SYCP1: variants seen among roughly 807,000 people sequenced by gnomAD.
SYCP1 encodes the protein cancer/testis antigen 8.
SYCP1 carries 64 observed loss-of-function variants against 153.1 expected under a neutral mutation model. That is an observed-to-expected ratio of 0.42 (90% CI 0.34 to 0.51). The LOEUF (loss-of-function observed/expected upper bound fraction) is 0.51. SYCP1 is among the 20% of genes least tolerant of loss of function. The pLI is 0.06. For synonymous variants in SYCP1, 384 were observed against 341.8 expected (o/e 1.12, Z -1.36); for missense variants, 997 against 1,049.0 (o/e 0.95, Z 0.68).
intron 27 of SYCP1, among the ~76,000 whole-genome samples, chr1:114,963,808 A>G (rs1300051892): frequency 6.6e-6 from 1 of 152,118 alleles, no homozygotes; most frequent in East Asian, 1.9e-4. Context: ...AGTCTTTGCT[A>G]TTGTGAATAA....
intron 12 of SYCP1, 56 bp downstream of exon 12, chr1:114,878,258 C>A: frequency 1.8e-6 from 2 of 1,116,746 alleles, no homozygotes; most frequent in Non-Finnish European, 2.6e-6. Context: ...TTGTTATGTT[C>A]TAAACATTGA....
chr1:114,875,981 A>G, intron 9 of SYCP1, 88 bp from the exon 10 acceptor site: 1 of 791,382 alleles, frequency 1.3e-6, no homozygotes, highest in Non-Finnish European at 1.9e-6. Flanking sequence ...TTTAATGATC[A>G]CATGATACAA....
intron 16 of SYCP1, among the ~76,000 whole-genome samples, chr1:114,898,083 C>T (rs7549271): frequency 0.061 from 9,257 of 152,298 alleles, 320 homozygotes; most frequent in Middle Eastern, 0.14. Context: ...CCACACTCAC[C>T]TGCACTGTGC....
chr1:114,992,499 T>C (rs148063724), intron 30 of SYCP1, among the ~76,000 whole-genome samples: 107 of 151,658 alleles, frequency 7.1e-4, no homozygotes, highest in African/African-American at 2.5e-3. Context: ...CTCACATACA[T>C]AGTCAGTTGA....
chr1:114,958,148 G>A (rs1671552906), intron 27 of SYCP1, among the ~76,000 whole-genome samples: 1 of 152,188 alleles, frequency 6.6e-6, no homozygotes, highest in African/African-American at 2.4e-5. Flanking sequence ...CTACATGGAT[G>A]GAGCTGGAGG....
chr1:114,858,377 AT>A lies in SYCP1; in HGVS notation c.292-168del, dbSNP rs34581433. ...CAATAACTTTAATGAAGTAGTTAAT[AT>A]TGCCTTAGTAGTTTAAAAGAGTTAA... On this transcript the variant is annotated intron_variant, in intron 5 of 31. Coordinates refer to ENST00000369522, the MANE Select transcript of SYCP1 (RefSeq NM_003176.4). 7.3e-3 allele frequency among the ~76,000 whole-genome samples: 1,108 copies of A among 152,276 alleles called. 8 individuals are homozygous for A. The highest frequency in any genetic ancestry group is 0.012 in the Non-Finnish European group (849 of 67,966).
At chr1:114,860,128 A>G (rs115423783) in intron 7 of SYCP1, among the ~76,000 whole-genome samples, 1,955 of 152,258 alleles carry the variant, frequency 0.013, 20 homozygotes, top group Middle Eastern at 0.068. Context: ...TGTCTTGAGT[A>G]CAGTACTTAT....
chr1:114,912,388 A>G (rs1668238353), intron 18 of SYCP1, among the ~76,000 whole-genome samples: 1 of 151,968 alleles, frequency 6.6e-6, no homozygotes, highest in South Asian at 2.1e-4. Flanking sequence ...ATTAAGTAGA[A>G]ATAGATAATA....
chr1:114,916,131 T>C (rs1668493143), intron 20 of SYCP1, among the ~76,000 whole-genome samples: 1 of 152,186 alleles, frequency 6.6e-6, no homozygotes, highest in Non-Finnish European at 1.5e-5. Context: ...ACATATATAA[T>C]TTTGTATGTG....
At chr1:114,861,277 T>C (rs1449674423) in intron 8 of SYCP1, among the ~76,000 whole-genome samples, 2 of 152,288 alleles carry the variant, frequency 1.3e-5, no homozygotes, top group East Asian at 3.9e-4. Flanking sequence ...TATGGTTGTG[T>C]TGTGTATGTG....
intron 23 of SYCP1, among the ~76,000 whole-genome samples, chr1:114,938,077 G>A (rs1196129998): frequency 1.3e-5 from 2 of 152,074 alleles, no homozygotes; most frequent in African/African-American, 4.8e-5. Context: ...AAATCATGCT[G>A]CTATAAAGGC....
chr1:114,979,432 T>C (rs1006599172), intron 28 of SYCP1, among the ~76,000 whole-genome samples: 7 of 151,764 alleles, frequency 4.6e-5, no homozygotes, highest in Non-Finnish European at 1.0e-4. Context: ...TTCAGTATTG[T>C]CACATGAGAA....
rs1328180498 is a variant in SYCP1, at chr1:114,882,539, G to T, written c.911-2996G>T. 5.3e-5 allele frequency among the ~76,000 whole-genome samples: 8 copies of T among 151,766 alleles called. No homozygotes were observed. In the East Asian group the frequency reaches 1.5e-3, roughly 29 times the overall value. On this transcript the variant is annotated intron_variant, in intron 12 of 31. Transcript: ENST00000369522. ...CTTTTCTTTAAATATACAAACCATA[G>T]CTGTTTTATAGTCCTTTTCTGATTT... is the stretch of plus-strand genomic sequence containing the variant.
intron 27 of SYCP1, among the ~76,000 whole-genome samples, chr1:114,964,589 C>T (rs1301281518): frequency 6.6e-6 from 1 of 152,106 alleles, no homozygotes; most frequent in Non-Finnish European, 1.5e-5. Flanking sequence ...CAGTTTTCTG[C>T]ATATGGCTAG....
chr1:114,926,605 TAG>T (rs1557806425), intron 23 of SYCP1, 42 bp downstream of exon 23: 2 of 1,466,928 alleles, frequency 1.4e-6, no homozygotes, highest in Admixed American at 4.0e-5. Flanking sequence ...TACTAATAGA[TAG>T]ATGAGAATTT....
chr1:114,936,124 C>T (rs898550212), intron 23 of SYCP1, among the ~76,000 whole-genome samples: 4 of 152,104 alleles, frequency 2.6e-5, no homozygotes, highest in Admixed American at 2.6e-4. Flanking sequence ...GACCAATATC[C>T]CTGATGAACA....
chr1:114,992,052 A>G (rs927096336), intron 30 of SYCP1, among the ~76,000 whole-genome samples: 3 of 151,852 alleles, frequency 2.0e-5, no homozygotes, highest in Admixed American at 6.6e-5. Context: ...TCTATTCACA[A>G]TAGCATCTAA....
At chr1:114,856,681 A>G in intron 3 of SYCP1, 24 bp downstream of exon 3, 3 of 1,532,482 alleles carry the variant, frequency 2.0e-6, no homozygotes, top group Non-Finnish European at 2.7e-6. Flanking sequence ...AAAGCAGTGT[A>G]TCAGCTTATA....
chr1:114,977,213 A>G (rs1469284900), intron 27 of SYCP1, among the ~76,000 whole-genome samples: 6 of 151,752 alleles, frequency 4.0e-5, no homozygotes, highest in African/African-American at 9.7e-5. Context: ...TCTTTTTGCA[A>G]CTTTTCACAG....
Sources: gnomAD v4.1 joint callset for allele counts (sites outside exome capture counted in the v4.1 genomes callset) on GRCh38, gnomAD v4.1.1 for gene constraint, MANE v1.5 for transcripts, NCBI Gene and HGNC (gene_info 2026-07-23, HGNC 2026-07-21) for gene names.